Variants in EPSTI1 observed in about 807,000 individuals in gnomAD.
EPSTI1 encodes the protein epithelial-stromal interaction protein 1.
In EPSTI1, 66 loss-of-function variants were observed where a neutral mutation model predicts 49.9. The observed-to-expected ratio is 1.32, with a 90% CI of 1.08 to 1.62. The LOEUF is 1.62. Among genes scored for constraint, EPSTI1 ranks in the 40% most tolerant of loss-of-function variants. EPSTI1 has a pLI of 0.00. For synonymous variants in EPSTI1, 137 were observed against 130.7 expected (o/e 1.05, Z -0.33); for missense variants, 394 against 365.5 (o/e 1.08, Z -0.64).
chr13:42,977,563 G>T (rs976295988), intron 1 of EPSTI1, among the ~76,000 whole-genome samples: 2 of 152,184 alleles, frequency 1.3e-5, no homozygotes, highest in Non-Finnish European at 1.5e-5. Context: ...TGGTGCTCAA[G>T]CAACCATCTT....
chr13:42,906,505 C>T (rs1230985655), intron 8 of EPSTI1, among the ~76,000 whole-genome samples: 1 of 152,220 alleles, frequency 6.6e-6, no homozygotes, highest in African/African-American at 2.4e-5. Flanking sequence ...AGAGCCTGTT[C>T]TCTCAACACA....
chr13:42,943,221 A>C (rs1236538370), intron 6 of EPSTI1, among the ~76,000 whole-genome samples: 1 of 152,196 alleles, frequency 6.6e-6, no homozygotes, highest in East Asian at 1.9e-4. Flanking sequence ...ATATTCCCCC[A>C]GGTATAGCAT....
chr13:42,917,154 GC>G (rs1333782753), intron 8 of EPSTI1, among the ~76,000 whole-genome samples: 1 of 152,128 alleles, frequency 6.6e-6, no homozygotes, highest in African/African-American at 2.4e-5. Flanking sequence ...AACTTTGCAT[GC>G]CTACTTTCTT....
At chr13:42,903,736 C>A (rs144986702) in intron 8 of EPSTI1, among the ~76,000 whole-genome samples, 6 of 151,896 alleles carry the variant, frequency 4.0e-5, no homozygotes, top group African/African-American at 1.5e-4. Context: ...CCCTTAATTT[C>A]GATTAAATAA....
chr13:42,955,886 G>GT (rs1566154269), intron 5 of EPSTI1, among the ~76,000 whole-genome samples: 2 of 141,582 alleles, frequency 1.4e-5, no homozygotes, highest in South Asian at 2.5e-4. Context: ...TTGGGGGGGG[G>GT]GGGAAGTAGT....
Position 42,964,145 on chromosome 13 carries a change from G to GAA in EPSTI1, c.332-8_332-7dup, listed in dbSNP as rs148862630. 1 of 1,595,114 alleles carries GAA rather than the reference G, an allele frequency of 6.3e-7. No individual in the cohort carries two copies. The highest frequency in any genetic ancestry group is 1.4e-5 in the African/African-American group (1 of 73,590). ...AGTTTCTGACTGGCTTCCACCTTAG[G>GAA]AAAAAAAAATCCATGAAGGTGAAAC... On this transcript the variant is annotated splice_region_variant and splice_polypyrimidine_tract_variant and intron_variant, in intron 3 of 10. Transcript: ENST00000313624.
At chr13:42,971,198 CA>C (rs2039758681) in intron 1 of EPSTI1, among the ~76,000 whole-genome samples, 1 of 152,180 alleles carries the variant, frequency 6.6e-6, no homozygotes, top group Non-Finnish European at 1.5e-5. Context: ...TGAGCATAAT[CA>C]GGGGCTCGGA....
In EPSTI1 at chr13:42,943,297, C is replaced by A. The variant is rs563224853; in HGVS notation, c.563+10651G>T. Among the ~76,000 whole-genome samples, 3 of 152,294 alleles carry A rather than the reference C, an allele frequency of 2.0e-5. No individual in the cohort carries two copies. In the East Asian group the frequency reaches 5.8e-4, roughly 29 times the overall value. On this transcript the variant is annotated intron_variant, in intron 6 of 10. Coordinates refer to ENST00000313624, the MANE Select transcript of EPSTI1 (RefSeq NM_033255.5). ...TGAATCTTATGCATCAAGAAGAGTT[C>A]TCAGGCTCTATTGTTGGGGGTAAAG...
At chr13:42,989,917 T>C (rs1382862811) in intron 1 of EPSTI1, among the ~76,000 whole-genome samples, 1 of 151,808 alleles carries the variant, frequency 6.6e-6, no homozygotes, top group Non-Finnish European at 1.5e-5. Context: ...AATCAGAAAG[T>C]GTTTCTAATT....
At chr13:42,944,790 A>G (rs918578994) in intron 6 of EPSTI1, among the ~76,000 whole-genome samples, 3 of 152,250 alleles carry the variant, frequency 2.0e-5, no homozygotes, top group African/African-American at 7.2e-5. Context: ...ATAATAGCTC[A>G]TAACAAAAAC....
chr13:42,925,980 A>G (rs1298714755), intron 7 of EPSTI1, among the ~76,000 whole-genome samples: 2 of 75,570 alleles, frequency 2.6e-5, no homozygotes, highest in Non-Finnish European at 5.9e-5. Context: ...CCTTATATAG[A>G]CCTATGAATT....
At chr13:42,889,151 G>A (rs1282755558) in intron 10 of EPSTI1, 2 of 1,331,684 alleles carry the variant, frequency 1.5e-6, no homozygotes, top group African/African-American at 1.5e-5. Context: ...GCATCCCAAA[G>A]AGCCTCACCT....
chr13:42,889,083 C>T (rs1185209600), intron 10 of EPSTI1: 3 of 760,564 alleles, frequency 3.9e-6, no homozygotes, highest in Non-Finnish European at 6.7e-6. Flanking sequence ...CAGGTTGCCT[C>T]ATTGGTCATA....
intron 10 of EPSTI1, among the ~76,000 whole-genome samples, chr13:42,892,383 A>G (rs1044132902): frequency 2.0e-5 from 3 of 152,174 alleles, no homozygotes; most frequent in African/African-American, 4.8e-5. Flanking sequence ...ATGAGCACTG[A>G]GAGAGGCTGG....
intron 5 of EPSTI1, among the ~76,000 whole-genome samples, chr13:42,957,832 C>T (rs947989443): frequency 9.2e-5 from 14 of 152,220 alleles, no homozygotes; most frequent in Non-Finnish European, 1.9e-4. Flanking sequence ...GCCTTAGCTC[C>T]CAAAGTGCTG....
chr13:42,955,700 G>A (rs901604736), intron 5 of EPSTI1, among the ~76,000 whole-genome samples: 5 of 152,088 alleles, frequency 3.3e-5, no homozygotes, highest in African/African-American at 9.7e-5. Flanking sequence ...TACTCGGGAG[G>A]CTGAGGTAGG....
At chr13:42,988,709 C>T (rs559791372) in intron 1 of EPSTI1, among the ~76,000 whole-genome samples, 6 of 146,266 alleles carry the variant, frequency 4.1e-5, no homozygotes, top group South Asian at 2.2e-4. Context: ...CCAGCCTGAG[C>T]GACAGAGCGA....
intron 8 of EPSTI1, among the ~76,000 whole-genome samples, chr13:42,908,425 G>A (rs2037560445): frequency 1.3e-5 from 2 of 148,600 alleles, no homozygotes; most frequent in East Asian, 4.0e-4. Context: ...GGCAGAGGCC[G>A]CAGTGAGCCG....
intron 8 of EPSTI1, among the ~76,000 whole-genome samples, chr13:42,901,356 CCA>C (rs1566100762): frequency 1.3e-5 from 2 of 152,140 alleles, no homozygotes; most frequent in Non-Finnish European, 2.9e-5. Context: ...CTCTAATATT[CCA>C]CAGTCCCCCA....
Sources: gnomAD v4.1 joint callset for allele counts (sites outside exome capture counted in the v4.1 genomes callset) on GRCh38, gnomAD v4.1.1 for gene constraint, MANE v1.5 for transcripts, NCBI Gene and HGNC (gene_info 2026-07-23, HGNC 2026-07-21) for gene names.